CORIN: variants seen among roughly 807,000 people sequenced by gnomAD.
CORIN encodes atrial natriuretic peptide-converting enzyme.
A neutral mutation model predicts 125.3 loss-of-function variants in CORIN; 117 were observed. That is an observed-to-expected ratio of 0.93 (90% CI 0.80 to 1.09). The LOEUF (loss-of-function observed/expected upper bound fraction) is 1.09. CORIN is among the 50% of genes least tolerant of loss of function. The pLI is 0.00. For synonymous variants in CORIN, 450 were observed against 466.4 expected (o/e 0.96, Z 0.45); for missense variants, 1,253 against 1,306.7 (o/e 0.96, Z 0.63).
chr4:47,832,844 C>G (rs1733120765), intron 1 of CORIN, among the ~76,000 whole-genome samples: 1 of 152,172 alleles, frequency 6.6e-6, no homozygotes, highest in Non-Finnish European at 1.5e-5. Flanking sequence ...TGTATCTGTG[C>G]TGCCCAATAC....
chr4:47,825,952 C>T (rs1732729458), intron 1 of CORIN, among the ~76,000 whole-genome samples: 1 of 152,102 alleles, frequency 6.6e-6, no homozygotes, highest in Admixed American at 6.6e-5. Flanking sequence ...ATCTGCCAGC[C>T]TCATCCTCCC....
At chr4:47,674,985 C>T (rs1724949469) in intron 9 of CORIN, among the ~76,000 whole-genome samples, 1 of 152,188 alleles carries the variant, frequency 6.6e-6, no homozygotes, top group African/African-American at 2.4e-5. Flanking sequence ...AATAAGGATA[C>T]TTTACCATAA....
chr4:47,678,968 T>G (rs925201492), intron 8 of CORIN, among the ~76,000 whole-genome samples: 1 of 152,248 alleles, frequency 6.6e-6, no homozygotes, highest in African/African-American at 2.4e-5. Context: ...GCATTGTGAC[T>G]TTTTATATGA....
At chr4:47,731,432 G>C (rs1727867537) in intron 5 of CORIN, among the ~76,000 whole-genome samples, 1 of 152,158 alleles carries the variant, frequency 6.6e-6, no homozygotes, top group Admixed American at 6.5e-5. Flanking sequence ...CAAAAGGAGA[G>C]AGATCCAAGG....
intron 4 of CORIN, among the ~76,000 whole-genome samples, chr4:47,763,067 A>T (rs560245301): frequency 6.6e-6 from 1 of 152,144 alleles, no homozygotes; most frequent in African/African-American, 2.4e-5. Flanking sequence ...CAGCTCCATA[A>T]ATAGTCTCTT....
At chr4:47,716,347 GA>G (rs1248682165) in intron 5 of CORIN, among the ~76,000 whole-genome samples, 1 of 151,950 alleles carries the variant, frequency 6.6e-6, no homozygotes, top group Non-Finnish European at 1.5e-5. Context: ...ATTTTTGGAA[GA>G]AAAAAGGGCA....
chr4:47,761,212 G>C (rs1240703188), intron 4 of CORIN, among the ~76,000 whole-genome samples: 2 of 152,204 alleles, frequency 1.3e-5, no homozygotes, highest in African/African-American at 4.8e-5. Context: ...AAGAGGCCTA[G>C]CTTTCAGCAT....
chr4:47,678,461 G>A lies in CORIN; in HGVS notation c.1133-407C>T, dbSNP rs182607226. Among the ~76,000 whole-genome samples the A allele has an allele frequency of 3.2e-3, 484 of 152,306 alleles. 3 individuals are homozygous for A. The highest frequency in any genetic ancestry group is 0.011 in the African/African-American group (460 of 41,556). ...CTAAAGTTTACAGAGCATAGTACTT[G>A]CTCAAAGTCCCATGGCTAAGAGCTA... On this transcript the variant is annotated intron_variant, in intron 8 of 21. Transcript: ENST00000273857.
At chr4:47,699,164 G>T (rs1268864375) in intron 5 of CORIN, among the ~76,000 whole-genome samples, 1 of 152,116 alleles carries the variant, frequency 6.6e-6, no homozygotes, top group African/African-American at 2.4e-5. Flanking sequence ...CTAGGAGCTT[G>T]GGAAATTTCA....
chr4:47,822,373 A>T (rs1732556415), intron 1 of CORIN, among the ~76,000 whole-genome samples: 1 of 152,208 alleles, frequency 6.6e-6, no homozygotes, highest in Non-Finnish European at 1.5e-5. Context: ...CAACACAGCC[A>T]TTAAAATGAG....
rs1422049760 is a variant in CORIN at position 47,595,912 on chromosome 4, A to G, written c.2947-9T>C. 6.2e-7 allele frequency: 1 copy of G among 1,604,508 alleles called. No homozygotes were observed. The highest frequency in any genetic ancestry group is 8.5e-7 in the Non-Finnish European group (1 of 1,176,586). ...GGCCCACCGCTGTCACCCTGCAATAAGTAACGATGGGAGTTAGGAACTGGC... is the reference window on the plus strand; with the variant it reads ...GGCCCACCGCTGTCACCCTGCAATAGGTAACGATGGGAGTTAGGAACTGGC... On this transcript the variant is annotated splice_polypyrimidine_tract_variant and intron_variant, in intron 21 of 21. Coordinates refer to ENST00000273857, the MANE Select transcript of CORIN (RefSeq NM_006587.4).
chr4:47,606,006 C>A (rs1030660040), intron 19 of CORIN, among the ~76,000 whole-genome samples: 2 of 152,068 alleles, frequency 1.3e-5, no homozygotes, highest in African/African-American at 4.8e-5. Flanking sequence ...TTCCATTAAA[C>A]AAATAGTAAT....
rs1259834505 is a variant in CORIN, at chr4:47,706,766, G to T, written c.800-13683C>A. The T allele has an allele frequency of 5.0e-6, 8 of 1,599,430 alleles. No individual in the cohort carries two copies. The East Asian group carries it at 1.6e-4, about 31-fold the overall frequency. ...AGATTCCACATACAAATTTTTTGAG[G>T]TTATCCTCATTGATCCATTCCATAA... On this transcript the variant is annotated intron_variant, in intron 5 of 21. Coordinates refer to ENST00000273857, the MANE Select transcript of CORIN (RefSeq NM_006587.4).
intron 4 of CORIN, 104 bp downstream of exon 4, chr4:47,763,275 A>G (rs1355414235): frequency 2.4e-6 from 2 of 850,680 alleles, no homozygotes; most frequent in Non-Finnish European, 3.8e-6. Context: ...AATGTGGCTA[A>G]TAACAACCAA....
chr4:47,704,027 A>G (rs1726433445), intron 5 of CORIN, among the ~76,000 whole-genome samples: 1 of 152,186 alleles, frequency 6.6e-6, no homozygotes, highest in Admixed American at 6.5e-5. Flanking sequence ...GTTGATTTTC[A>G]CTGTTTAATC....
intron 4 of CORIN, among the ~76,000 whole-genome samples, chr4:47,756,210 T>C (rs760764730): frequency 1.3e-5 from 2 of 152,156 alleles, no homozygotes; most frequent in Non-Finnish European, 2.9e-5. Flanking sequence ...AGGAACATTA[T>C]ACACAAAGGA....
intron 16 of CORIN, among the ~76,000 whole-genome samples, chr4:47,641,147 C>T (rs1181069719): frequency 2.0e-5 from 3 of 152,112 alleles, no homozygotes; most frequent in Non-Finnish European, 4.4e-5. Flanking sequence ...AACTGCATGA[C>T]TCATTATTGT....
At chr4:47,734,517 C>G (rs1261547801) in intron 5 of CORIN, among the ~76,000 whole-genome samples, 2 of 152,156 alleles carry the variant, frequency 1.3e-5, no homozygotes, top group Non-Finnish European at 2.9e-5. Flanking sequence ...TAACCTGTGT[C>G]CTTTTATACT....
At chr4:47,726,105 C>T (rs1213982462) in intron 5 of CORIN, among the ~76,000 whole-genome samples, 1 of 152,008 alleles carries the variant, frequency 6.6e-6, no homozygotes, top group East Asian at 1.9e-4. Context: ...TCTGACAATA[C>T]CAAGTACTGG....
Sources: gnomAD v4.1 joint callset for allele counts (sites outside exome capture counted in the v4.1 genomes callset) on GRCh38, gnomAD v4.1.1 for gene constraint, MANE v1.5 for transcripts, NCBI Gene and HGNC (gene_info 2026-07-23, HGNC 2026-07-21) for gene names.